Variants in PCCB observed in about 807,000 individuals in gnomAD.
The protein encoded by PCCB is propionyl-CoA carboxylase beta chain, mitochondrial.
A neutral mutation model predicts 60.7 loss-of-function variants in PCCB; 43 were observed. The observed-to-expected ratio is 0.71, with a 90% CI of 0.55 to 0.91. The LOEUF (loss-of-function observed/expected upper bound fraction) is 0.91, where lower values mean the gene tolerates loss of function less well. Among genes scored for constraint, PCCB ranks in the 40% least tolerant of loss-of-function variants. The pLI, the probability that PCCB is intolerant of heterozygous loss-of-function variation, is 0.00. For missense variants in PCCB, 766 were observed against 702.8 expected (o/e 1.09, Z -1.02); for synonymous variants, 276 against 255.9 (o/e 1.08, Z -0.75).
chr3:136,256,002 A>G (rs1559995426), intron 2 of PCCB, 27 bp downstream of exon 2: 2 of 1,614,156 alleles, frequency 1.2e-6, no homozygotes, highest in East Asian at 4.5e-5. Context: ...TGGTGTGAAC[A>G]CTTTTTAGGT....
chr3:136,275,772 A>G (rs1174916869), intron 5 of PCCB, among the ~76,000 whole-genome samples: 1 of 151,646 alleles, frequency 6.6e-6, no homozygotes, highest in African/African-American at 2.4e-5. Flanking sequence ...TTATTTATTT[A>G]TTTATTTATT....
At chr3:136,304,075 A>C (rs1934376073) in intron 9 of PCCB, among the ~76,000 whole-genome samples, 1 of 120,774 alleles carries the variant, frequency 8.3e-6, no homozygotes, top group Admixed American at 9.9e-5. Flanking sequence ...TGGCTTCTGG[A>C]CTACACTCTT....
intron 5 of PCCB, among the ~76,000 whole-genome samples, chr3:136,265,498 G>C: frequency 6.6e-6 from 1 of 151,938 alleles, no homozygotes; most frequent in East Asian, 1.9e-4. Flanking sequence ...CCTTTTTATT[G>C]GTGAATAATA....
intron 10 of PCCB, among the ~76,000 whole-genome samples, chr3:136,322,008 A>G (rs1343526089): frequency 6.6e-6 from 1 of 152,188 alleles, no homozygotes; most frequent in Non-Finnish European, 1.5e-5. Context: ...AGGACTTCCA[A>G]TACAATATTG....
At chr3:136,325,211 G>T (rs1017597106) in intron 10 of PCCB, among the ~76,000 whole-genome samples, 1 of 151,820 alleles carries the variant, frequency 6.6e-6, no homozygotes, top group Non-Finnish European at 1.5e-5. Flanking sequence ...TTCTTTTAGA[G>T]ACAGAGTGTC....
intron 10 of PCCB, among the ~76,000 whole-genome samples, chr3:136,323,188 G>T (rs1935170411): frequency 6.6e-6 from 1 of 151,992 alleles, no homozygotes; most frequent in Non-Finnish European, 1.5e-5. Flanking sequence ...TTATCTCCTT[G>T]CCACTTTCTC....
intron 3 of PCCB, 94 bp downstream of exon 3, chr3:136,256,717 G>C: frequency 1.1e-6 from 1 of 895,312 alleles, no homozygotes; most frequent in South Asian, 1.3e-5. Context: ...ATGAAAACTT[G>C]CTTGTAGTTT....
chr3:136,316,667 T>A (rs1576352601), intron 9 of PCCB, among the ~76,000 whole-genome samples: 1 of 152,150 alleles, frequency 6.6e-6, no homozygotes, highest in East Asian at 1.9e-4. Flanking sequence ...GGTAAAGTTG[T>A]CACAAAAATT....
chr3:136,315,319 C>T (rs193253741), intron 9 of PCCB, among the ~76,000 whole-genome samples: 8 of 152,104 alleles, frequency 5.3e-5, no homozygotes, highest in South Asian at 4.2e-4. Context: ...GGGCGGATCA[C>T]GAGGTCGAGA....
intron 6 of PCCB, among the ~76,000 whole-genome samples, chr3:136,290,934 T>A (rs1933659701): frequency 1.3e-5 from 2 of 152,024 alleles, no homozygotes; most frequent in African/African-American, 4.8e-5. Context: ...ATTTGAGTGG[T>A]TTCTCTTGAG....
In PCCB at chr3:136,328,806, C is replaced by G. The variant is rs149527841; in HGVS notation, c.1447C>G (p.Gln483Glu). 3.1e-5 allele frequency: 50 copies of G among 1,614,070 alleles called. No individual in the cohort carries two copies. Among genetic ancestry groups the G allele is most frequent in the Non-Finnish European group, 4.0e-5 (47 of 1,180,020 alleles). ...AGGGCATGAGAATGTGGAAGCTGCT[C>G]AGGCAGAGTACATCGAGAAGTTTGC... The part of the protein sequence containing the change: ...FKGHENVEAA[Q>E]AEYIEKFANP... The change falls in exon 14 of 15, where the codon CAG becomes GAG. Residue 483 changes from glutamine (Q) to glutamate (E), a missense_variant. Transcript: ENST00000251654.
chr3:136,300,229 A>G (rs573602659), intron 8 of PCCB, among the ~76,000 whole-genome samples: 7 of 152,228 alleles, frequency 4.6e-5, no homozygotes, highest in Non-Finnish European at 8.8e-5. Flanking sequence ...AGATGGGGCT[A>G]CCCTTAGTTT....
At chr3:136,299,266 A>G (rs530424838) in intron 8 of PCCB, among the ~76,000 whole-genome samples, 17 of 152,132 alleles carry the variant, frequency 1.1e-4, no homozygotes, top group African/African-American at 3.9e-4. Context: ...GTGTATATAC[A>G]TATGTTCATG....
chr3:136,329,736 C>A (rs1040793939), intron 14 of PCCB, among the ~76,000 whole-genome samples, 169 bp from the exon 15 acceptor site: 15 of 152,136 alleles, frequency 9.9e-5, no homozygotes, highest in Admixed American at 7.9e-4. Context: ...TCAGAACAGG[C>A]CAGCTCCTGG....
chr3:136,317,187 A>G, intron 10 of PCCB, 123 bp downstream of exon 10: 1 of 884,840 alleles, frequency 1.1e-6, no homozygotes, highest in Non-Finnish European at 1.8e-6. Flanking sequence ...AGAGGAAAAA[A>G]TCTAAATGGT....
chr3:136,329,715 T>C (rs369994704), intron 14 of PCCB, among the ~76,000 whole-genome samples, 190 bp from the exon 15 acceptor site: 3 of 152,094 alleles, frequency 2.0e-5, no homozygotes, highest in Non-Finnish European at 4.4e-5. Context: ...AGGCCAGAAG[T>C]TGGGGAGCTG....
intron 1 of PCCB, chr3:136,255,527 G>C (rs1683040687): frequency 2.8e-6 from 1 of 357,324 alleles, no homozygotes; most frequent in Non-Finnish European, 5.4e-6. Flanking sequence ...GGCTCCTTAG[G>C]TCTCCAGTAA....
chr3:136,265,111 C>T (rs1215814663), intron 5 of PCCB, among the ~76,000 whole-genome samples: 2 of 151,974 alleles, frequency 1.3e-5, no homozygotes, highest in East Asian at 1.9e-4. Flanking sequence ...GGGAATTGCT[C>T]GAACCTGAGA....
At chr3:136,258,378 A>G (rs996150775) in intron 3 of PCCB, among the ~76,000 whole-genome samples, 1 of 152,198 alleles carries the variant, frequency 6.6e-6, no homozygotes. Flanking sequence ...TTCCAGGCAA[A>G]TGCTGTAGAC....
Sources: allele counts gnomAD v4.1 joint callset (sites outside exome capture counted in the v4.1 genomes callset), GRCh38; gene constraint gnomAD v4.1.1; transcripts MANE v1.5; gene names NCBI Gene and HGNC (gene_info 2026-07-23, HGNC 2026-07-21).